The following NUAK1 variants were observed in gnomAD, a reference collection of about 807,000 sequenced individuals.
NUAK1 encodes NUAK family kinase 1.
A neutral mutation model predicts 56.9 loss-of-function variants in NUAK1; 26 were observed. The observed-to-expected ratio is 0.46, with a 90% confidence interval of 0.33 to 0.63. NUAK1 has a LOEUF of 0.63. Among genes scored for constraint, NUAK1 ranks in the 30% least tolerant of loss-of-function variants. The pLI is 0.02. For missense variants in NUAK1, 727 were observed against 876.1 expected (o/e 0.83, Z 2.15); for synonymous variants, 337 against 336.0 (o/e 1.00, Z -0.03).
intron 6 of NUAK1, among the ~76,000 whole-genome samples, chr12:106,068,235 T>C (rs2032365823): frequency 1.3e-5 from 2 of 152,236 alleles, no homozygotes; most frequent in South Asian, 4.1e-4. Context: ...CTTTTCATCA[T>C]CTTGAATCTT....
In NUAK1 at chr12:106,067,752, C is replaced by A; in HGVS notation, c.1036G>T (p.Glu346Ter). ...HRSTGLQADT[E>*]AKMKGLAKPT... ...TTGGCCAGGCCCTTCATTTTGGCTT[C>A]GGTGTCAGCCTGCAGCCCTGTGGAA... Residue 346 changes from glutamate (E) to a stop codon, truncating the protein, a stop_gained, in exon 7 of 7, where the codon GAA becomes TAA. Transcript: ENST00000261402. LOFTEE classifies it high-confidence loss of function. This position sits in a 1 kb window ranked among gnomAD's most constrained non-coding sequence, Gnocchi z 6.0. The A allele has an allele frequency of 6.2e-7, 1 of 1,614,158 alleles. No homozygotes were observed. Among genetic ancestry groups the A allele is most frequent in the Non-Finnish European group, 8.5e-7 (1 of 1,180,038 alleles).
At chr12:106,089,294 C>T (rs548030969) in intron 2 of NUAK1, among the ~76,000 whole-genome samples, 14 of 152,364 alleles carry the variant, frequency 9.2e-5, no homozygotes, top group African/African-American at 3.4e-4. Context: ...AAGCCTCTGG[C>T]CCTTCAGCGA....
intron 1 of NUAK1, among the ~76,000 whole-genome samples, chr12:106,110,398 G>A (rs933761277): frequency 2.0e-5 from 3 of 152,238 alleles, no homozygotes; most frequent in South Asian, 2.1e-4. Context: ...GGGAGGGTAC[G>A]GGCAATAAGC....
At chr12:106,097,552 T>C (rs1369324921) in intron 2 of NUAK1, among the ~76,000 whole-genome samples, 1 of 152,216 alleles carries the variant, frequency 6.6e-6, no homozygotes, top group East Asian at 1.9e-4. Flanking sequence ...TGCTTGCAAA[T>C]CTTCCTGCCT....
At chr12:106,131,198 A>G (rs2033075096) in intron 1 of NUAK1, among the ~76,000 whole-genome samples, 1 of 151,852 alleles carries the variant, frequency 6.6e-6, no homozygotes, top group Non-Finnish European at 1.5e-5. Context: ...CTTTATTGAG[A>G]TGTAATTCAC....
intron 1 of NUAK1, among the ~76,000 whole-genome samples, chr12:106,137,030 C>T (rs1385267150): frequency 1.3e-5 from 2 of 151,696 alleles, no homozygotes; most frequent in East Asian, 3.9e-4. Context: ...GAAATGTACG[C>T]CATCTCAAAT....
chr12:106,076,782 C>G (rs1408058125), intron 4 of NUAK1, among the ~76,000 whole-genome samples: 1 of 152,144 alleles, frequency 6.6e-6, no homozygotes, highest in African/African-American at 2.4e-5. Context: ...ATTCCATGTA[C>G]ATGAGGTCCC....
At position 106,065,725 on chromosome 12, in the gene NUAK1, G is replaced by C. The variant is rs914468291; in HGVS notation, c.*1077C>G. The C allele has an allele frequency of 1.3e-5, 2 of 152,644 alleles. No individual in the cohort carries two copies. Among genetic ancestry groups the C allele is most frequent in the Non-Finnish European group, 2.9e-5 (2 of 68,052 alleles). 9.5% of individuals were successfully genotyped at this position (152,644 alleles called of 1,614,324 possible). A position where few individuals can be genotyped will look rare whatever the true frequency, so the allele number is the denominator to read the frequency against. ...GGTAATCCTCTGGAGAATATGGACAGTATCACGTCCAACTCAAAGCATCCA... is the reference window on the plus strand; with the variant it reads ...GGTAATCCTCTGGAGAATATGGACACTATCACGTCCAACTCAAAGCATCCA... On this transcript the variant is annotated 3_prime_UTR_variant, in exon 7 of 7. Coordinates refer to ENST00000261402, the MANE Select transcript of NUAK1 (RefSeq NM_014840.3).
intron 2 of NUAK1, among the ~76,000 whole-genome samples, chr12:106,095,606 G>A (rs952460120): frequency 3.3e-5 from 5 of 152,210 alleles, no homozygotes; most frequent in African/African-American, 1.2e-4. Context: ...ACGCAGAAGT[G>A]TTAGCTGTTC....
intron 1 of NUAK1, among the ~76,000 whole-genome samples, chr12:106,136,506 A>G (rs572425951): frequency 6.6e-6 from 1 of 152,346 alleles, no homozygotes; most frequent in African/African-American, 2.4e-5. Context: ...TGGATCAGAC[A>G]GCTCAAGAAC....
rs2032397425 is a variant in NUAK1, at chr12:106,070,793, C to T, written c.813G>A (p.Arg271=). The change falls in exon 6 of 7, where the codon CGG becomes CGA. Residue 271 remains arginine, a synonymous_variant. Transcript: ENST00000261402. ...LIRQISSGEY[R]EPTQPSDARG... ...ACGCACCTGAGGGCTGTGTTGGCTCCCGGTACTCTCCGCTGCTGATTTGCC... is the reference window on the plus strand; with the variant it reads ...ACGCACCTGAGGGCTGTGTTGGCTCTCGGTACTCTCCGCTGCTGATTTGCC... 1 of 1,614,174 alleles carries T rather than the reference C, an allele frequency of 6.2e-7. No individual in the cohort carries two copies. The highest frequency in any genetic ancestry group is 8.5e-7 in the Non-Finnish European group (1 of 1,180,038).
Position 106,138,621 on chromosome 12 carries a change from G to A in NUAK1, c.33C>T (p.Asp11=). The A allele has an allele frequency of 6.6e-7, 1 of 1,510,962 alleles. No homozygotes were observed. Among genetic ancestry groups the A allele is most frequent in the Non-Finnish European group, 8.8e-7 (1 of 1,135,882 alleles). 93.6% of individuals were successfully genotyped at this position (1,510,962 alleles called of 1,614,324 possible). The change falls in exon 1 of 7, where the codon GAC becomes GAT. Residue 11 remains aspartate (D), a synonymous_variant. Transcript: ENST00000261402. The surrounding 1 kb of genome is among the most constrained non-coding windows in gnomAD (Gnocchi z 5.0). MEGAAAPVAG[D]RPDLGLGAPG... is the part of the protein sequence containing the mutation. ...GCGCCCCCAGCCCCAAGTCGGGGCG[G>A]TCCCCCGCCACAGGCGCGGCGGCCC... is the stretch of plus-strand genomic sequence containing the variant.
intron 2 of NUAK1, among the ~76,000 whole-genome samples, chr12:106,095,789 T>G (rs2136466887): frequency 6.6e-6 from 1 of 152,302 alleles, no homozygotes; most frequent in East Asian, 1.9e-4. Context: ...TCAGAGGATT[T>G]GAGTGACCCC....
At position 106,106,381 on chromosome 12, in the gene NUAK1, TTAAAA is replaced by T; in HGVS notation, c.361+19_361+23del. On this transcript the variant is annotated intron_variant, in intron 2 of 6. Coordinates refer to ENST00000261402, the MANE Select transcript of NUAK1 (RefSeq NM_014840.3). ...TGAGAAATGGTAACTGATATGGGGGTTAAAAAAAAAAAAAATCACTGACCTTCATA... is the reference window on the plus strand; with the variant it reads ...TGAGAAATGGTAACTGATATGGGGGTAAAAAAAAAATCACTGACCTTCATA... 7 of 927,576 alleles carry T rather than the reference TTAAAA, an allele frequency of 7.5e-6. No individual in the cohort carries two copies. The highest frequency in any genetic ancestry group is 5.7e-5 in the African/African-American group (2 of 35,160). 57.5% of individuals were successfully genotyped at this position (927,576 alleles called of 1,614,324 possible).
At chr12:106,118,210 C>T (rs2032938746) in intron 1 of NUAK1, among the ~76,000 whole-genome samples, 1 of 152,100 alleles carries the variant, frequency 6.6e-6, no homozygotes, top group African/African-American at 2.4e-5. Flanking sequence ...TTTATTGCCC[C>T]CACCACCACC....
intron 2 of NUAK1, among the ~76,000 whole-genome samples, chr12:106,092,004 TG>T (rs2032640041): frequency 6.6e-6 from 1 of 151,980 alleles, no homozygotes; most frequent in South Asian, 2.1e-4. Context: ...GAGACCAACC[TG>T]GTCAACATAG....
At chr12:106,102,026 A>T (rs1350121360) in intron 2 of NUAK1, among the ~76,000 whole-genome samples, 1 of 152,134 alleles carries the variant, frequency 6.6e-6, no homozygotes, top group Non-Finnish European at 1.5e-5. Context: ...GCCCTCCTCC[A>T]CAGTTATTTA....
At chr12:106,110,001 T>C (rs11112871) in intron 1 of NUAK1, among the ~76,000 whole-genome samples, 10,512 of 152,168 alleles carry the variant, frequency 0.069, 807 homozygotes, top group African/African-American at 0.19. Flanking sequence ...GTTTTCATAG[T>C]ACATAAAGGA....
chr12:106,071,006 A>C, intron 5 of NUAK1, 100 bp from the exon 6 acceptor site: 2 of 1,326,186 alleles, frequency 1.5e-6, no homozygotes, highest in Non-Finnish European at 1.1e-6. Flanking sequence ...CACCCCCAGC[A>C]GCCCCAGGAA....
Sources: allele counts gnomAD v4.1 joint callset (sites outside exome capture counted in the v4.1 genomes callset), GRCh38; gene constraint gnomAD v4.1.1; non-coding constraint Gnocchi (gnomAD v3.1); transcripts MANE v1.5; gene names NCBI Gene and HGNC (gene_info 2026-07-23, HGNC 2026-07-21).